Variants in SETDB2 observed in about 807,000 individuals in gnomAD.
SETDB2 encodes SET domain bifurcated histone lysine methyltransferase 2, also known as histone-lysine N-methyltransferase SETDB2.
In SETDB2, 56 loss-of-function variants were observed where a neutral mutation model predicts 82.5. The observed-to-expected ratio is 0.68, with a 90% CI of 0.55 to 0.85. The LOEUF is 0.85. Among genes scored for constraint, SETDB2 ranks in the 40% least tolerant of loss-of-function variants. The pLI, the probability that SETDB2 is intolerant of heterozygous loss-of-function variation, is 0.00. For missense variants in SETDB2, 677 were observed against 816.4 expected (o/e 0.83, Z 2.08); for synonymous variants, 272 against 284.9 (o/e 0.95, Z 0.46).
intron 4 of SETDB2, chr13:49,464,180 A>G (rs1958054747): frequency 1.4e-6 from 1 of 695,788 alleles, no homozygotes; most frequent in Non-Finnish European, 2.7e-6. Context: ...AAGATTTGTA[A>G]CAGTGTCTGT....
chr13:49,471,797 C>T (rs1958247050), intron 5 of SETDB2, among the ~76,000 whole-genome samples: 1 of 151,362 alleles, frequency 6.6e-6, no homozygotes, highest in African/African-American at 2.4e-5. Context: ...TCAGGGTTGA[C>T]ACAGTCTCAA....
chr13:49,467,774 G>T, intron 4 of SETDB2, 90 bp from the exon 5 acceptor site: 1 of 880,562 alleles, frequency 1.1e-6, no homozygotes. Context: ...CATATGGGCA[G>T]ACTCTAGTCA....
chr13:49,485,883 G>T (rs199520282), intron 11 of SETDB2, 160 bp downstream of exon 11: 41 of 776,616 alleles, frequency 5.3e-5, no homozygotes, highest in Non-Finnish European at 2.6e-5. Flanking sequence ...AATATCGTGT[G>T]TGGGCCAAAT....
intron 5 of SETDB2, among the ~76,000 whole-genome samples, chr13:49,472,349 C>A (rs1958267386): frequency 6.6e-6 from 1 of 152,126 alleles, no homozygotes; most frequent in South Asian, 2.1e-4. Context: ...AATCAGTTGG[C>A]AGCCTCTAAG....
intron 12 of SETDB2, among the ~76,000 whole-genome samples, 161 bp from the exon 13 acceptor site, chr13:49,490,661 T>C (rs1958694104): frequency 6.6e-6 from 1 of 152,146 alleles, no homozygotes; most frequent in African/African-American, 2.4e-5. Flanking sequence ...CTTTTCTGAA[T>C]GGGTTCCCAC....
At chr13:49,486,958 C>T (rs929447729) in intron 11 of SETDB2, among the ~76,000 whole-genome samples, 1 of 152,028 alleles carries the variant, frequency 6.6e-6, no homozygotes, top group Non-Finnish European at 1.5e-5. Flanking sequence ...TAGAAAAGGT[C>T]TATCAAAAAA....
intron 2 of SETDB2, among the ~76,000 whole-genome samples, chr13:49,455,111 T>C (rs1214295572): frequency 6.6e-6 from 1 of 152,210 alleles, no homozygotes; most frequent in East Asian, 1.9e-4. Flanking sequence ...TCTTACCTTG[T>C]TAGAAATATC....
At chr13:49,449,946 T>A (rs114810201) in intron 1 of SETDB2, among the ~76,000 whole-genome samples, 3,134 of 152,292 alleles carry the variant, frequency 0.021, 101 homozygotes, top group African/African-American at 0.071. Flanking sequence ...TGCAAATGTC[T>A]TTTTTTCATC....
intron 12 of SETDB2, among the ~76,000 whole-genome samples, chr13:49,490,298 A>AAAG (rs1028373402): frequency 4.6e-5 from 7 of 151,322 alleles, no homozygotes; most frequent in African/African-American, 1.7e-4. Flanking sequence ...AAAAAAAAAA[A>AAAG]AAAATCTTGT....
intron 5 of SETDB2, among the ~76,000 whole-genome samples, chr13:49,473,910 T>C (rs1958300655): frequency 6.6e-6 from 1 of 152,140 alleles, no homozygotes; most frequent in Non-Finnish European, 1.5e-5. Flanking sequence ...CACCTAATAA[T>C]AGGGAACAAG....
intron 1 of SETDB2, among the ~76,000 whole-genome samples, chr13:49,448,117 C>A (rs766518187): frequency 6.6e-6 from 1 of 152,006 alleles, no homozygotes; most frequent in Non-Finnish European, 1.5e-5. Flanking sequence ...TTGTACAATT[C>A]ATCTGTAAAA....
intron 2 of SETDB2, among the ~76,000 whole-genome samples, chr13:49,457,216 T>TTC (rs34489306): frequency 0.63 from 72,190 of 114,006 alleles, 19,136 homozygotes; most frequent in African/African-American, 0.66. Context: ...TTTCTAAGAC[T>TTC]TTTTTTTTTT....
At chr13:49,465,828 C>T (rs755370182) in intron 4 of SETDB2, among the ~76,000 whole-genome samples, 8 of 152,004 alleles carry the variant, frequency 5.3e-5, no homozygotes, top group African/African-American at 7.2e-5. Flanking sequence ...TGAGCCACTG[C>T]GCCCCATCCA....
chr13:49,459,741 C>T lies in SETDB2; in HGVS notation c.17-366C>T, dbSNP rs149598867. On this transcript the variant is annotated intron_variant, in intron 2 of 13. Transcript: ENST00000611815. ...TATTTCAGCAGCCATTGAGTTGTCTCATTCTGAAACCACACTCGGTGGAGA... is the reference window on the plus strand; with the variant it reads ...TATTTCAGCAGCCATTGAGTTGTCTTATTCTGAAACCACACTCGGTGGAGA... Among the ~76,000 whole-genome samples, 486 of 152,270 alleles carry T rather than the reference C, an allele frequency of 3.2e-3. 1 individual carries two copies. Among genetic ancestry groups the T allele is most frequent in the African/African-American group, 0.011 (469 of 41,570 alleles).
At chr13:49,474,657 G>A (rs1470096298) in intron 5 of SETDB2, among the ~76,000 whole-genome samples, 2 of 152,162 alleles carry the variant, frequency 1.3e-5, no homozygotes, top group Non-Finnish European at 2.9e-5. Flanking sequence ...CATTATTGTG[G>A]TCTAGCCTAT....
Position 49,451,923 on chromosome 13 carries a change from C to T in SETDB2, c.16+14C>T. 1 of 1,567,000 alleles carries T rather than the reference C, an allele frequency of 6.4e-7. No individual in the cohort carries two copies. Among genetic ancestry groups the T allele is most frequent in the Non-Finnish European group, 8.7e-7 (1 of 1,146,136 alleles). On this transcript the variant is annotated intron_variant, in intron 2 of 13. Coordinates refer to ENST00000611815, the MANE Select transcript of SETDB2 (RefSeq NM_001160308.3). ...GAGAAAAAAATGGTAGGTTGAAGAA[C>T]ACACTGTTACACTTTATATCTAAAA...
At chr13:49,460,334 G>A (rs1182814091) in intron 3 of SETDB2, 102 bp downstream of exon 3, 8 of 1,189,790 alleles carry the variant, frequency 6.7e-6, no homozygotes, top group Non-Finnish European at 9.2e-6. Context: ...AAAAGTAGAT[G>A]GATGTAATTA....
At chr13:49,473,684 T>A (rs2138925833) in intron 5 of SETDB2, among the ~76,000 whole-genome samples, 1 of 152,278 alleles carries the variant, frequency 6.6e-6, no homozygotes, top group Admixed American at 6.5e-5. Context: ...AACAGTTTAC[T>A]ATCTCTATAA....
In SETDB2 at chr13:49,491,795, G is replaced by A. The variant is rs1159160994; in HGVS notation, c.2070G>A (p.Glu690=). ...GCTATGAAGCTGGGACTGTGCCTGA[G>A]AAGGAAATCTTCTGCCAATGTGGGG... is the stretch of plus-strand genomic sequence containing the variant. ...DYGYEAGTVP[E]KEIFCQCGVN... Residue 690 remains glutamate (E), a synonymous_variant, in exon 14 of 14, where the codon GAG becomes GAA. Transcript: ENST00000611815. 3 of 1,613,290 alleles carry A rather than the reference G, an allele frequency of 1.9e-6. No homozygotes were observed. The highest frequency in any genetic ancestry group is 2.5e-6 in the Non-Finnish European group (3 of 1,179,822).
Sources: gnomAD v4.1 joint callset for allele counts (sites outside exome capture counted in the v4.1 genomes callset) on GRCh38, gnomAD v4.1.1 for gene constraint, MANE v1.5 for transcripts, NCBI Gene and HGNC (gene_info 2026-07-23, HGNC 2026-07-21) for gene names.